Variants in GRIN2B observed in about 807,000 individuals in gnomAD.
GRIN2B encodes the protein glutamate receptor ionotropic, NMDA 2B.
In GRIN2B, 5 loss-of-function variants were observed where a neutral mutation model predicts 114.5. That is an observed-to-expected ratio of 0.04 (90% CI 0.02 to 0.09). The LOEUF is 0.09. Ranked by LOEUF, GRIN2B falls within the 10% of genes least tolerant of loss-of-function variation. GRIN2B has a pLI of 1.00. For missense variants in GRIN2B, 1,108 were observed against 1,943.5 expected (o/e 0.57, Z 8.08); for synonymous variants, 787 against 745.1 (o/e 1.06, Z -0.92).
rs117225756 is a variant in GRIN2B at position 13,981,450 on chromosome 12, T to G, written c.-556A>C. The G allele has an allele frequency of 0.017, 2,615 of 151,758 alleles. 37 individuals carry two copies. The highest frequency in any genetic ancestry group is 0.025 in the Non-Finnish European group (1,714 of 67,922). 9.4% of individuals were successfully genotyped at this position (151,758 alleles called of 1,614,324 possible). ...CAGGATTAATGATCCGTCTCGGGGG[T>G]TTTGAAGTTCATGACTCTTCTTTGC... On this transcript the variant is annotated 5_prime_UTR_variant, in exon 1 of 14. Transcript: ENST00000609686.
At chr12:13,861,407 T>C (rs1398473769) in intron 3 of GRIN2B, among the ~76,000 whole-genome samples, 1 of 152,184 alleles carries the variant, frequency 6.6e-6, no homozygotes, top group African/African-American at 2.4e-5. Flanking sequence ...GAAATACATC[T>C]AGCTTCAGTT....
At chr12:13,811,493 A>G (rs1255160178) in intron 3 of GRIN2B, among the ~76,000 whole-genome samples, 1 of 152,212 alleles carries the variant, frequency 6.6e-6, no homozygotes, top group Non-Finnish European at 1.5e-5. Context: ...AGGCAGGAGG[A>G]TCACTTGAGC....
chr12:13,614,649 T>C (rs1949412330), intron 8 of GRIN2B, among the ~76,000 whole-genome samples: 1 of 152,162 alleles, frequency 6.6e-6, no homozygotes, highest in Non-Finnish European at 1.5e-5. Flanking sequence ...CAAAAAATCT[T>C]TTTTGGTAGC....
Position 13,660,484 on chromosome 12 carries a change from T to C in GRIN2B, c.1125+15261A>G, listed in dbSNP as rs145210720. Reference sequence around the variant, plus strand: ...ACTGAAGCTAACTGATTGATAAAAGTGCTAACTCTGGATACAGGCAGCAAA... The same window carrying C: ...ACTGAAGCTAACTGATTGATAAAAGCGCTAACTCTGGATACAGGCAGCAAA... On this transcript the variant is annotated intron_variant, in intron 5 of 13. Coordinates refer to ENST00000609686, the MANE Select transcript of GRIN2B (RefSeq NM_000834.5). Among the ~76,000 whole-genome samples the C allele has an allele frequency of 1.9e-4, 29 of 152,294 alleles. No homozygotes were observed. In the East Asian group the frequency reaches 5.4e-3, roughly 28 times the overall value.
intron 5 of GRIN2B, among the ~76,000 whole-genome samples, chr12:13,661,687 G>C (rs1329485545): frequency 6.6e-6 from 1 of 152,128 alleles, no homozygotes; most frequent in Non-Finnish European, 1.5e-5. Context: ...GATAATTAAT[G>C]AAAGAGGTGG....
At chr12:13,695,516 G>GGAGA (rs1327186887) in intron 4 of GRIN2B, among the ~76,000 whole-genome samples, 2 of 152,156 alleles carry the variant, frequency 1.3e-5, no homozygotes. Flanking sequence ...AGAGAAGAAT[G>GGAGA]GAGAGTCCAG....
At chr12:13,925,404 T>G (rs1208166894) in intron 2 of GRIN2B, among the ~76,000 whole-genome samples, 1 of 152,238 alleles carries the variant, frequency 6.6e-6, no homozygotes, top group African/African-American at 2.4e-5. Context: ...ACAAAAGGAC[T>G]GCAAAAGAAA....
intron 2 of GRIN2B, among the ~76,000 whole-genome samples, chr12:13,911,942 G>A (rs1234255902): frequency 6.6e-6 from 1 of 152,284 alleles, no homozygotes; most frequent in Non-Finnish European, 1.5e-5. Flanking sequence ...CGTACTGTGC[G>A]TGCAGTGCGG....
intron 2 of GRIN2B, among the ~76,000 whole-genome samples, chr12:13,928,735 A>G (rs1866964790): frequency 6.6e-6 from 1 of 152,234 alleles, no homozygotes; most frequent in Admixed American, 6.5e-5. Context: ...CTTGCTTTTT[A>G]TATCTTCCAC....
chr12:13,645,381 C>T (rs74720631), intron 5 of GRIN2B, among the ~76,000 whole-genome samples: 10,667 of 152,014 alleles, frequency 0.07, 503 homozygotes, highest in East Asian at 0.16. Flanking sequence ...CATCCCAAAA[C>T]AATTACAGTA....
intron 3 of GRIN2B, among the ~76,000 whole-genome samples, chr12:13,836,463 C>G (rs912489943): frequency 1.3e-5 from 2 of 152,176 alleles, no homozygotes; most frequent in South Asian, 2.1e-4. Context: ...TGGGATCAAG[C>G]CAGTGATGCT....
intron 3 of GRIN2B, among the ~76,000 whole-genome samples, chr12:13,804,064 C>T (rs1010097581): frequency 3.3e-5 from 5 of 152,112 alleles, no homozygotes; most frequent in Admixed American, 6.6e-5. Flanking sequence ...TATCTTTTCA[C>T]CAGAATATGC....
chr12:13,936,577 C>A lies in GRIN2B; in HGVS notation c.-19+43351G>T, dbSNP rs367700399. Among the ~76,000 whole-genome samples, 162 of 152,172 alleles carry A rather than the reference C, an allele frequency of 1.1e-3. 6 individuals are homozygous for A. The South Asian group carries it at 0.027, about 26-fold the overall frequency. ...AGGTGATCAGCCAGTATTTAAGCTG[C>A]AAGAATTAATACTTTTCTAAGGGAA... On this transcript the variant is annotated intron_variant, in intron 2 of 13. Transcript: ENST00000609686.
At chr12:13,856,097 A>G (rs1045221195) in intron 3 of GRIN2B, among the ~76,000 whole-genome samples, 2 of 152,204 alleles carry the variant, frequency 1.3e-5, no homozygotes, top group East Asian at 1.9e-4. Flanking sequence ...GGGAGTCAGG[A>G]AAGTGTGCAC....
chr12:13,925,892 C>T (rs2136818122), intron 2 of GRIN2B, among the ~76,000 whole-genome samples: 1 of 152,268 alleles, frequency 6.6e-6, no homozygotes, highest in East Asian at 1.9e-4. Context: ...AATCCATTAA[C>T]TCTTCTTTTC....
At chr12:13,745,825 G>A (rs918454865) in intron 4 of GRIN2B, among the ~76,000 whole-genome samples, 7 of 152,176 alleles carry the variant, frequency 4.6e-5, no homozygotes, top group Non-Finnish European at 8.8e-5. Flanking sequence ...GCATCACACA[G>A]CCTGAGCTGG....
intron 3 of GRIN2B, among the ~76,000 whole-genome samples, chr12:13,790,689 G>C (rs1289751611): frequency 6.6e-6 from 1 of 152,204 alleles, no homozygotes; most frequent in Non-Finnish European, 1.5e-5. Context: ...CATGGTCACT[G>C]TTCATTGGTG....
chr12:13,575,665 G>GATAACAATAATA (rs1231890882), intron 10 of GRIN2B, among the ~76,000 whole-genome samples: 1 of 122,014 alleles, frequency 8.2e-6, no homozygotes, highest in Non-Finnish European at 1.8e-5. Context: ...TCTCCAAAAT[G>GATAACAATAATA]ATAACAACAA....
chr12:13,562,847 G>A lies in GRIN2B; in HGVS notation c.4391C>T (p.Ala1464Val). The change falls in exon 14 of 14, where the codon GCT becomes GTT. Residue 1464 changes from alanine to valine, a missense_variant. Physicochemically the swap from Ala to Val is moderately conservative, Grantham distance 64 (BLOSUM62 0). Transcript: ENST00000609686. ...ATGCCCATTGCTGGAGCCATTGAAA[G>A]CCCTGGGGTTTTTGTTGTTAGGCAC... ...PCVPNNKNPR[A>V]FNGSSNGHVY... is the part of the protein sequence containing the mutation. The A allele has an allele frequency of 6.2e-7, 1 of 1,614,064 alleles. No homozygotes were observed.
Sources: gnomAD v4.1 joint callset for allele counts (sites outside exome capture counted in the v4.1 genomes callset) on GRCh38, gnomAD v4.1.1 for gene constraint, MANE v1.5 for transcripts, NCBI Gene and HGNC (gene_info 2026-07-23, HGNC 2026-07-21) for gene names.